Variants in SLC12A1 observed in about 807,000 individuals in gnomAD.
SLC12A1 encodes solute carrier family 12 member 1.
Under a neutral mutation model 130.4 loss-of-function variants are expected in SLC12A1, and 89 were observed. That is an observed-to-expected ratio of 0.68 (90% CI 0.58 to 0.81). The LOEUF (loss-of-function observed/expected upper bound fraction) is 0.81, where lower values mean the gene tolerates loss of function less well. Among genes scored for constraint, SLC12A1 ranks in the 40% least tolerant of loss-of-function variants. The pLI is 0.00. For synonymous variants in SLC12A1, 499 were observed against 460.0 expected, an observed-to-expected ratio of 1.08 and a Z score of -1.09; for missense variants, 1,310 against 1,336.4, an observed-to-expected ratio of 0.98 and a Z score of 0.31.
intron 19 of SLC12A1, among the ~76,000 whole-genome samples, chr15:48,272,333 A>C (rs1450764790): frequency 6.6e-6 from 1 of 152,238 alleles, no homozygotes; most frequent in Non-Finnish European, 1.5e-5. Flanking sequence ...ACACAGGGCT[A>C]TTATTATAAG....
intron 12 of SLC12A1, 50 bp from the exon 13 acceptor site, chr15:48,247,287 T>C (rs369670559): frequency 2.6e-5 from 41 of 1,568,050 alleles, no homozygotes; most frequent in Non-Finnish European, 2.8e-5. Context: ...CTAGAGAAAA[T>C]GACTGTGCAT....
In SLC12A1 at chr15:48,285,041, A is replaced by G. The variant is rs2042042732; in HGVS notation, c.2486-65A>G. 3.2e-6 allele frequency: 4 copies of G among 1,246,220 alleles called. No homozygotes were observed. In the South Asian group the frequency reaches 7.0e-5, roughly 22 times the overall value. The allele number at this position is 1,246,220 out of a possible 1,614,324, so 77.2% of individuals were successfully genotyped here. A position where few individuals can be genotyped will look rare whatever the true frequency, so the allele number is the denominator to read the frequency against. On this transcript the variant is annotated intron_variant, in intron 20 of 26. Coordinates refer to ENST00000380993, the MANE Select transcript of SLC12A1 (RefSeq NM_000338.3). ...ATACCATTTTAAATATTAAAAGTTT[A>G]TAAGATTGTTTCTAGAAACTTTGTA... is the stretch of plus-strand genomic sequence containing the variant.
chr15:48,232,220 C>T (rs1567313055), intron 7 of SLC12A1, among the ~76,000 whole-genome samples: 4 of 152,160 alleles, frequency 2.6e-5, no homozygotes, highest in Admixed American at 1.3e-4. Context: ...GACCATCTGA[C>T]CAGTCAACTT....
intron 9 of SLC12A1, among the ~76,000 whole-genome samples, chr15:48,237,966 C>T (rs981444565): frequency 6.6e-6 from 1 of 151,950 alleles, no homozygotes; most frequent in Non-Finnish European, 1.5e-5. Context: ...TGATTTAAGG[C>T]CATGCAGAGG....
intron 16 of SLC12A1, among the ~76,000 whole-genome samples, chr15:48,256,341 G>T (rs1178008847): frequency 6.6e-6 from 1 of 152,226 alleles, no homozygotes; most frequent in Non-Finnish European, 1.5e-5. Context: ...GCGCAAGCTT[G>T]TATGAAGAAT....
chr15:48,265,629 CTCTA>C (rs2041824281), intron 17 of SLC12A1, among the ~76,000 whole-genome samples: 2 of 152,142 alleles, frequency 1.3e-5, no homozygotes, highest in African/African-American at 2.4e-5. Context: ...CTGCCAATCT[CTCTA>C]TCTTTTCTAT....
In SLC12A1 at chr15:48,269,652, G is replaced by T. The variant is rs34047900; in HGVS notation, c.2296-6G>T. On this transcript the variant is annotated splice_polypyrimidine_tract_variant and splice_region_variant and intron_variant, in intron 18 of 26. Coordinates refer to ENST00000380993, the MANE Select transcript of SLC12A1 (RefSeq NM_000338.3). ...GATTGCCCACATTTTTATGTCCTCT[G>T]TTTAGGCCTCAGGCTTAGGAAGAAT... is the stretch of plus-strand genomic sequence containing the variant. The T allele has an allele frequency of 6.0e-3, 9,519 of 1,573,768 alleles. 96 individuals carry two copies. The highest frequency in any genetic ancestry group is 0.032 in the Middle Eastern group (192 of 5,976).
Position 48,208,100 on chromosome 15 carries a change from C to T in SLC12A1, c.381C>T (p.Asn127=), listed in dbSNP as rs370459859. 196 of 1,602,416 alleles carry T rather than the reference C, an allele frequency of 1.2e-4. No individual in the cohort carries two copies. Among genetic ancestry groups the T allele is most frequent in the Non-Finnish European group, 1.6e-4 (186 of 1,173,200 alleles). Residue 127 remains asparagine, a synonymous_variant, in exon 2 of 27, where the codon AAC becomes AAT. Coordinates refer to ENST00000380993, the MANE Select transcript of SLC12A1 (RefSeq NM_000338.3). ...NTGSISGPKV[N]RPSLLEIHEQ... ...GCAGCATCAGTGGGCCCAAGGTCAA[C>T]CGACCCAGCCTGCTTGAGATTCACG...
intron 13 of SLC12A1, among the ~76,000 whole-genome samples, chr15:48,248,169 G>A: frequency 6.6e-6 from 1 of 152,202 alleles, no homozygotes. Flanking sequence ...GCCACACATA[G>A]GCGGGCAGAG....
At chr15:48,276,756 C>T (rs2041958148) in intron 20 of SLC12A1, among the ~76,000 whole-genome samples, 1 of 152,062 alleles carries the variant, frequency 6.6e-6, no homozygotes, top group Non-Finnish European at 1.5e-5. Flanking sequence ...GAAAATAGAA[C>T]TCAAAGACTG....
chr15:48,290,787 ATTATAC>A (rs146175187), intron 23 of SLC12A1, among the ~76,000 whole-genome samples: 2,809 of 152,258 alleles, frequency 0.018, 100 homozygotes, highest in African/African-American at 0.065. Context: ...TATAGATTTA[ATTATAC>A]TTAAAGAGGA....
At chr15:48,230,532 CA>C in intron 7 of SLC12A1, 29 bp downstream of exon 7, 1 of 1,415,556 alleles carries the variant, frequency 7.1e-7, no homozygotes, top group Non-Finnish European at 9.9e-7. Context: ...ATATTATCAA[CA>C]GTGGCTGGTC....
Position 48,234,990 on chromosome 15 carries a change from T to G in SLC12A1, c.1201T>G (p.Ser401Ala). 6.2e-7 allele frequency: 1 copy of G among 1,613,860 alleles called. No homozygotes were observed. Among genetic ancestry groups the G allele is most frequent in the African/African-American group, 1.3e-5 (1 of 75,016 alleles). ...TGGGATTCTTGCTGGTGCCAATATC[T>G]CAGGAGATTTGGAGGTACGTTGTTT... The part of the protein sequence containing the change: ...ATGILAGANI[S>A]GDLEDPQDAI... Residue 401 changes from serine (S) to alanine (A), a missense_variant, in exon 9 of 27, where the codon TCA becomes GCA. Transcript: ENST00000380993.
At chr15:48,236,035 T>C (rs1280127423) in intron 9 of SLC12A1, among the ~76,000 whole-genome samples, 3 of 150,870 alleles carry the variant, frequency 2.0e-5, no homozygotes, top group Admixed American at 6.6e-5. Context: ...TTTTAGGGGG[T>C]CCTAGTATTA....
intron 10 of SLC12A1, 121 bp from the exon 11 acceptor site, chr15:48,244,632 C>T (rs2041556504): frequency 3.2e-6 from 3 of 939,864 alleles, no homozygotes; most frequent in Non-Finnish European, 3.2e-6. Context: ...AAGAACTACT[C>T]ACAGTGAACA....
rs184030410 is a variant in SLC12A1, at chr15:48,227,050, C to A, written c.724+479C>A. ...CTGGTGACTTCTCTCAGTACTGGAA[C>A]CAAACACCTTTCTTGGGGGATTTTG... On this transcript the variant is annotated intron_variant, in intron 5 of 26. Transcript: ENST00000380993. The A allele has an allele frequency of 3.2e-5, 48 of 1,500,886 alleles. No homozygotes were observed. The East Asian group carries it at 9.3e-4, about 29-fold the overall frequency. The allele number at this position is 1,500,886 out of a possible 1,614,324, so 93.0% of individuals were successfully genotyped here.
intron 19 of SLC12A1, among the ~76,000 whole-genome samples, chr15:48,271,252 C>T (rs924752100): frequency 2.0e-5 from 3 of 152,030 alleles, no homozygotes; most frequent in African/African-American, 7.2e-5. Flanking sequence ...TTCTTCTAGG[C>T]TTGAAAATAC....
At chr15:48,301,502 T>TGCGGTG in intron 26 of SLC12A1, 120 bp downstream of exon 26, 1 of 429,450 alleles carries the variant, frequency 2.3e-6, no homozygotes, top group Non-Finnish European at 3.7e-6. Flanking sequence ...GTGTTTTTTT[T>TGCGGTG]GGGGGGGGGA....
chr15:48,250,835 C>A (rs1022787145), intron 14 of SLC12A1, among the ~76,000 whole-genome samples: 1 of 152,132 alleles, frequency 6.6e-6, no homozygotes, highest in African/African-American at 2.4e-5. Flanking sequence ...GTTTTGGCAA[C>A]TCCTAATTTA....
Sources: allele counts gnomAD v4.1 joint callset (sites outside exome capture counted in the v4.1 genomes callset), GRCh38; gene constraint gnomAD v4.1.1; transcripts MANE v1.5; gene names NCBI Gene and HGNC (gene_info 2026-07-23, HGNC 2026-07-21).